KIR3DL1: variants seen among roughly 807,000 people sequenced by gnomAD.
The protein encoded by KIR3DL1 is killer cell immunoglobulin like receptor, three Ig domains and long cytoplasmic tail 1.
Under a neutral mutation model 40.3 loss-of-function variants are expected in KIR3DL1, and 50 were observed. The ratio of observed to expected loss-of-function variants is 1.24; its 90% CI spans 0.99 to 1.57. The LOEUF (loss-of-function observed/expected upper bound fraction) is 1.57. KIR3DL1 is among the 40% of genes most tolerant of loss of function. The probability of loss-of-function intolerance (pLI) is 0.00; values close to 1 mark genes in which losing one functional copy is unlikely to be tolerated. For synonymous variants in KIR3DL1, 257 were observed against 207.2 expected, an observed-to-expected ratio of 1.24 and a Z score of -2.07; for missense variants, 661 against 559.9, an observed-to-expected ratio of 1.18 and a Z score of -1.82.
chr19:54,818,520 C>G (rs749845194), exon 3 of KIR3DL1: 1 of 1,611,690 alleles, frequency 6.2e-7, no homozygotes, highest in Non-Finnish European at 8.5e-7. Context: ...ATGCAGGGAA[C>G]TACACATGTC....
intron 4 of KIR3DL1, among the ~76,000 whole-genome samples, chr19:54,821,343 A>C (rs2061622556): frequency 6.6e-6 from 1 of 151,192 alleles, no homozygotes; most frequent in Admixed American, 6.6e-5. Flanking sequence ...AAAACAATCC[A>C]AAAAGGGAAA....
chr19:54,830,558 A>G (rs1209134119), exon 9 of KIR3DL1: 6 of 456,758 alleles, frequency 1.3e-5, no homozygotes, highest in Non-Finnish European at 2.3e-5. Context: ...CTTACTTCCT[A>G]GTCTACTTGA....
exon 9 of KIR3DL1, chr19:54,830,541 T>A (rs80223101): frequency 2.1e-6 from 1 of 478,720 alleles, no homozygotes; most frequent in Non-Finnish European, 3.7e-6. Context: ...CTCTCCAACC[T>A]AACTGGCTTA....
intron 6 of KIR3DL1, among the ~76,000 whole-genome samples, chr19:54,827,717 T>C (rs2061977874): frequency 6.6e-6 from 1 of 150,850 alleles, no homozygotes; most frequent in African/African-American, 2.5e-5. Flanking sequence ...TAATTACTTC[T>C]TTGATCCTTT....
chr19:54,829,430 TC>T lies in KIR3DL1; in HGVS notation c.1071del (p.Leu359SerfsTer14), dbSNP rs1265402677. The stretch of plus-strand genomic sequence containing the variant: ...ATCATCCTCTTCATCCTCCTCCTCT[TC>T]TTTCTCCTTCATCTCTGGTGCTCCA... On this transcript the variant is annotated frameshift_variant, in exon 7 of 9. Coordinates refer to ENST00000391728, the Ensembl canonical transcript of KIR3DL1. LOFTEE classifies it high-confidence loss of function. 4 of 1,502,226 alleles carry T rather than the reference TC, an allele frequency of 2.7e-6. 2 individuals carry two copies. Among genetic ancestry groups the T allele is most frequent in the Non-Finnish European group, 3.6e-6 (4 of 1,106,142 alleles). The allele number at this position is 1,502,226 out of a possible 1,614,324, so 93.1% of individuals were successfully genotyped here.
intron 6 of KIR3DL1, among the ~76,000 whole-genome samples, chr19:54,827,155 T>C (rs935445770): frequency 2.6e-5 from 4 of 151,362 alleles, no homozygotes; most frequent in African/African-American, 9.8e-5. Context: ...CAGGGAGGGC[T>C]TGCTGGGTTT....
At chr19:54,830,427 C>A in exon 9 of KIR3DL1, 1 of 970,184 alleles carries the variant, frequency 1.0e-6, no homozygotes, top group Non-Finnish European at 1.6e-6. Flanking sequence ...AAATCTGGTG[C>A]CTCTCTCTTG....
chr19:54,826,933 A>G (rs1358964862), intron 6 of KIR3DL1, among the ~76,000 whole-genome samples: 2 of 151,830 alleles, frequency 1.3e-5, no homozygotes, highest in Non-Finnish European at 2.9e-5. Context: ...TTTGACACTC[A>G]CAGCCATTGG....
exon 4 of KIR3DL1, chr19:54,819,766 G>C (rs1569439378): frequency 6.2e-7 from 1 of 1,610,808 alleles, no homozygotes; most frequent in Non-Finnish European, 8.5e-7. Flanking sequence ...GGTGAAATCA[G>C]GAGAGAGAGT....
chr19:54,820,018 A>G lies in KIR3DL1; in HGVS notation c.655+6A>G, dbSNP rs776225351. On this transcript the variant is annotated splice_donor_region_variant and intron_variant, in intron 4 of 8. Coordinates refer to ENST00000391728, the Ensembl canonical transcript of KIR3DL1. ...CCTGGACATCGTGGTCACAGGTGAG[A>G]GTGTCTAGACATTGTTCTCATTGTC... 3.1e-6 allele frequency: 5 copies of G among 1,608,192 alleles called. No individual in the cohort carries two copies. The East Asian group carries it at 1.1e-4, about 36-fold the overall frequency.
chr19:54,818,532 G>A, exon 3 of KIR3DL1: 1 of 1,611,528 alleles, frequency 6.2e-7, no homozygotes, highest in Middle Eastern at 1.7e-4. Flanking sequence ...ACACATGTCG[G>A]GGTTCACACC....
At chr19:54,817,444 C>CT (rs2061406955) in intron 1 of KIR3DL1, 90 bp from the exon 2 acceptor site, 22 of 1,117,300 alleles carry the variant, frequency 2.0e-5, no homozygotes, top group Non-Finnish European at 2.8e-5. Context: ...CCAGCAAGGG[C>CT]CTGGCTGCCA....
At position 54,829,467 on chromosome 19, in the gene KIR3DL1, T is replaced by C. The variant is rs778251180; in HGVS notation, c.1105+2T>C. The C allele has an allele frequency of 6.2e-5, 91 of 1,467,568 alleles. 19 individuals carry two copies. Among genetic ancestry groups the C allele is most frequent in the Non-Finnish European group, 8.3e-5 (90 of 1,082,014 alleles). 90.9% of individuals were successfully genotyped at this position (1,467,568 alleles called of 1,614,324 possible). ...ATCTCTGGTGCTCCAACAAAAAAAGTAAGTCTCACGGGGCACAGGCCAGAG... is the reference window on the plus strand; with the variant it reads ...ATCTCTGGTGCTCCAACAAAAAAAGCAAGTCTCACGGGGCACAGGCCAGAG... On this transcript the variant is annotated splice_donor_variant, in intron 7 of 8. Transcript: ENST00000391728. LOFTEE classifies it high-confidence loss of function.
Position 54,826,833 on chromosome 19 carries a change from G to T in KIR3DL1, c.1000+1755G>T, listed in dbSNP as rs1424153106. ...GAAGAGGCTCTGCCTGAAATGCTGG[G>T]AATGAGGTGGGGAGAATGACAAGAC... On this transcript the variant is annotated intron_variant, in intron 6 of 8. Transcript: ENST00000391728. Among the ~76,000 whole-genome samples the T allele has an allele frequency of 5.3e-5, 8 of 151,572 alleles. No individual in the cohort carries two copies. The East Asian group carries it at 7.7e-4, about 15-fold the overall frequency.
At chr19:54,828,429 A>G (rs1328650485) in intron 6 of KIR3DL1, among the ~76,000 whole-genome samples, 2 of 151,290 alleles carry the variant, frequency 1.3e-5, no homozygotes, top group East Asian at 1.9e-4. Flanking sequence ...CAGAACACAC[A>G]GAGAATACGT....
intron 5 of KIR3DL1, among the ~76,000 whole-genome samples, chr19:54,823,175 C>T (rs2061724090): frequency 1.3e-5 from 2 of 150,886 alleles, no homozygotes; most frequent in African/African-American, 2.5e-5. Context: ...GCTGTGATTA[C>T]AGGTGCACGC....
In KIR3DL1 at chr19:54,820,326, C is replaced by T. The variant is rs537135954; in HGVS notation, c.655+314C>T. On this transcript the variant is annotated intron_variant, in intron 4 of 8. Transcript: ENST00000391728. ...ATGCTGACTTTGCTCAGAGACCTGG[C>T]ACAGGTTAGAAGTTTCATTTCTGTT... Among the ~76,000 whole-genome samples the T allele has an allele frequency of 8.6e-5, 13 of 151,626 alleles. 1 individual carries two copies. The highest frequency in any genetic ancestry group is 3.2e-4 in the African/African-American group (13 of 41,126).
chr19:54,821,308 C>G (rs1375262249), intron 4 of KIR3DL1, among the ~76,000 whole-genome samples: 1 of 150,840 alleles, frequency 6.6e-6, no homozygotes, highest in African/African-American at 2.5e-5. Flanking sequence ...TCAAGTCAAC[C>G]AATCCAAGGA....
chr19:54,820,009 A>T (rs1206529639), exon 4 of KIR3DL1: 1 of 1,609,678 alleles, frequency 6.2e-7, no homozygotes, highest in South Asian at 1.1e-5. Context: ...CATCGTGGTC[A>T]CAGGTGAGAG....
Sources: allele counts gnomAD v4.1 joint callset (sites outside exome capture counted in the v4.1 genomes callset), GRCh38; gene constraint gnomAD v4.1.1; transcripts MANE v1.5; gene names NCBI Gene and HGNC (gene_info 2026-07-23, HGNC 2026-07-21).